The following PTGFRN variants were observed in gnomAD, a reference collection of about 807,000 sequenced individuals.
PTGFRN encodes prostaglandin F2 receptor inhibitor, also known as prostaglandin F2 receptor negative regulator.
Under a neutral mutation model 83.2 loss-of-function variants are expected in PTGFRN, and 35 were observed. The observed-to-expected ratio is 0.42, with a 90% CI of 0.32 to 0.56. The LOEUF is 0.56. Among genes scored for constraint, PTGFRN ranks in the 20% least tolerant of loss-of-function variants. PTGFRN has a pLI of 0.11. For missense variants in PTGFRN, 1,051 were observed against 1,179.5 expected (o/e 0.89, Z 1.60); for synonymous variants, 519 against 498.6 (o/e 1.04, Z -0.55).
intron 1 of PTGFRN, among the ~76,000 whole-genome samples, chr1:116,930,895 G>A (rs1317852584): frequency 6.6e-6 from 1 of 152,018 alleles, no homozygotes; most frequent in South Asian, 2.1e-4. Context: ...CATGTCTTCT[G>A]TTAAACCTCC....
At chr1:116,975,251 T>C (rs1651112982) in intron 7 of PTGFRN, among the ~76,000 whole-genome samples, 1 of 152,196 alleles carries the variant, frequency 6.6e-6, no homozygotes, top group African/African-American at 2.4e-5. Flanking sequence ...TGGAGCCCAC[T>C]GCAGCTCAAG....
chr1:116,985,806 C>A (rs1272158972), intron 8 of PTGFRN, among the ~76,000 whole-genome samples: 1 of 152,110 alleles, frequency 6.6e-6, no homozygotes, highest in Non-Finnish European at 1.5e-5. Context: ...CTCGTTGGCC[C>A]ACGATGAACA....
intron 7 of PTGFRN, among the ~76,000 whole-genome samples, chr1:116,979,085 CAG>C (rs1048114641): frequency 7.2e-5 from 11 of 152,190 alleles, no homozygotes; most frequent in East Asian, 5.8e-4. Flanking sequence ...AACAGACAAA[CAG>C]AGAGCCAAAT....
chr1:116,957,878 G>A (rs1189861911), intron 4 of PTGFRN, among the ~76,000 whole-genome samples: 2 of 151,998 alleles, frequency 1.3e-5, no homozygotes, highest in Non-Finnish European at 2.9e-5. Context: ...TTGTCTTTCT[G>A]TGCCTGGCTT....
intron 1 of PTGFRN, among the ~76,000 whole-genome samples, chr1:116,927,404 T>A (rs964701692): frequency 6.6e-6 from 1 of 152,190 alleles, no homozygotes. Context: ...CATAGTTATA[T>A]GATCTAGTGC....
intron 1 of PTGFRN, among the ~76,000 whole-genome samples, chr1:116,915,530 G>T (rs1649382735): frequency 6.6e-6 from 1 of 152,212 alleles, no homozygotes; most frequent in African/African-American, 2.4e-5. Context: ...ATTAATGCCT[G>T]CCCTGGCTAT....
chr1:116,910,681 C>T (rs1382272102), intron 1 of PTGFRN, among the ~76,000 whole-genome samples: 2 of 151,992 alleles, frequency 1.3e-5, no homozygotes, highest in East Asian at 3.9e-4. Context: ...CCATAGCCGC[C>T]GCCGGCCGGG....
chr1:116,958,460 C>T lies in PTGFRN; in HGVS notation c.1214-2783C>T, dbSNP rs1650557526. ...GTGGTAGAAGACAGGGCTCCGTTCC[C>T]ATCTGCCACTTTTGAACTGTGTGGC... On this transcript the variant is annotated intron_variant, in intron 4 of 8. Transcript: ENST00000393203. The surrounding 1 kb of genome is among the most constrained non-coding windows in gnomAD (Gnocchi z 4.9). 6.6e-6 allele frequency among the ~76,000 whole-genome samples: 1 copy of T among 152,182 alleles called. No individual in the cohort carries two copies. The highest frequency in any genetic ancestry group is 1.5e-5 in the Non-Finnish European group (1 of 68,040).
chr1:116,927,525 C>CTT (rs1171564821), intron 1 of PTGFRN, among the ~76,000 whole-genome samples: 20 of 124,396 alleles, frequency 1.6e-4, no homozygotes, highest in South Asian at 4.7e-4. Context: ...CCTTGCTTAC[C>CTT]TTTTTTTTTT....
chr1:116,924,143 A>ATTTTTT (rs147663868), intron 1 of PTGFRN, among the ~76,000 whole-genome samples: 7 of 116,126 alleles, frequency 6.0e-5, no homozygotes, highest in African/African-American at 1.1e-4. Context: ...CTGTGCATGT[A>ATTTTTT]TTTTTTTTTT....
Position 116,961,101 on chromosome 1 carries a change from CG to C in PTGFRN, c.1214-141del. The C allele has an allele frequency of 1.1e-6, 1 of 929,370 alleles. No homozygotes were observed. Among genetic ancestry groups the C allele is most frequent in the South Asian group, 3.1e-5 (1 of 32,722 alleles). The allele number at this position is 929,370 out of a possible 1,614,324, so 57.6% of individuals were successfully genotyped here. ...TGTTCTAGGATCCTATCCAATGCAACGACTGATTTCTGTCTCTCTAGTCCGG... is the reference window on the plus strand; with the variant it reads ...TGTTCTAGGATCCTATCCAATGCAACACTGATTTCTGTCTCTCTAGTCCGG... On this transcript the variant is annotated intron_variant, in intron 4 of 8. Coordinates refer to ENST00000393203, the MANE Select transcript of PTGFRN (RefSeq NM_020440.4). This position sits in a 1 kb window ranked among gnomAD's most constrained non-coding sequence, Gnocchi z 5.4.
Position 116,944,721 on chromosome 1 carries a change from C to T in PTGFRN, c.461C>T (p.Pro154Leu). 6.9e-7 allele frequency: 1 copy of T among 1,458,488 alleles called. No individual in the cohort carries two copies. The highest frequency in any genetic ancestry group is 9.0e-7 in the Non-Finnish European group (1 of 1,113,206). 90.3% of individuals were successfully genotyped at this position (1,458,488 alleles called of 1,614,324 possible). ...CACGTGGGCCCCAGCGCGCGGCCCC[C>T]GCCGAGCCTGAGCCTGCGGGAGGGG... ...SLHVGPSARP[P>L]PSLSLREGEP... Residue 154 changes from proline to leucine, a missense_variant, in exon 3 of 9, where the codon CCG (proline) becomes CTG (leucine). Pro to Leu is a moderately conservative substitution (Grantham distance 98). Transcript: ENST00000393203.
At chr1:116,920,719 G>A (rs1322426951) in intron 1 of PTGFRN, among the ~76,000 whole-genome samples, 1 of 152,154 alleles carries the variant, frequency 6.6e-6, no homozygotes, top group Non-Finnish European at 1.5e-5. Context: ...TGCCTCCCGG[G>A]TTCAAGCAAT....
At chr1:116,986,316 G>A (rs768381461) in intron 8 of PTGFRN, among the ~76,000 whole-genome samples, 8 of 152,054 alleles carry the variant, frequency 5.3e-5, no homozygotes, top group East Asian at 1.9e-4. Flanking sequence ...AAGTAACTCC[G>A]TATAAAAACC....
chr1:116,982,287 A>AT (rs1487299954), intron 7 of PTGFRN, among the ~76,000 whole-genome samples: 1 of 152,200 alleles, frequency 6.6e-6, no homozygotes, highest in Non-Finnish European at 1.5e-5. Context: ...AGTGTAATTA[A>AT]TTGCAAAAGC....
chr1:116,922,537 T>G (rs1258761341), intron 1 of PTGFRN, among the ~76,000 whole-genome samples: 1 of 152,182 alleles, frequency 6.6e-6, no homozygotes, highest in African/African-American at 2.4e-5. Context: ...GGAAGGTACC[T>G]TTGTTAGCCC....
At chr1:116,915,987 T>C (rs978725057) in intron 1 of PTGFRN, among the ~76,000 whole-genome samples, 5 of 152,206 alleles carry the variant, frequency 3.3e-5, no homozygotes, top group Admixed American at 3.3e-4. Context: ...CCACACCAAC[T>C]GTAGTCTTTG....
chr1:116,910,028 C>T lies in PTGFRN; in HGVS notation c.-176C>T, dbSNP rs927350700. On this transcript the variant is annotated 5_prime_UTR_variant, in exon 1 of 9. Transcript: ENST00000393203. ...AGGAGGCGGGAGGGAGCGAGCGGAGCCAGGGGCGCACGTACGCCCCAGCGC... is the reference window on the plus strand; with the variant it reads ...AGGAGGCGGGAGGGAGCGAGCGGAGTCAGGGGCGCACGTACGCCCCAGCGC... The T allele has an allele frequency of 5.5e-6, 4 of 727,694 alleles. No individual in the cohort carries two copies. The highest frequency in any genetic ancestry group is 9.3e-6 in the Non-Finnish European group (4 of 429,336). The allele number at this position is 727,694 out of a possible 1,614,324, so 45.1% of individuals were successfully genotyped here. A position where few individuals can be genotyped will look rare whatever the true frequency, so the allele number is the denominator to read the frequency against.
At chr1:116,967,373 G>C in intron 6 of PTGFRN, 43 bp downstream of exon 6, 4 of 1,557,002 alleles carry the variant, frequency 2.6e-6, no homozygotes, top group Non-Finnish European at 3.5e-6. Flanking sequence ...AGCTAGAAGA[G>C]ACCCTAGGGT....
Sources: gnomAD v4.1 joint callset for allele counts (sites outside exome capture counted in the v4.1 genomes callset) on GRCh38, gnomAD v4.1.1 for gene constraint, Gnocchi (gnomAD v3.1) non-coding constraint, MANE v1.5 for transcripts, NCBI Gene and HGNC (gene_info 2026-07-23, HGNC 2026-07-21) for gene names.